ACVR1: variants seen among roughly 807,000 people sequenced by gnomAD.
ACVR1 encodes activin receptor type-1.
Under a neutral mutation model 57.1 loss-of-function variants are expected in ACVR1, and 38 were observed. The observed-to-expected ratio is 0.67, with a 90% CI of 0.51 to 0.87. The LOEUF (loss-of-function observed/expected upper bound fraction) is 0.87. ACVR1 is among the 40% of genes least tolerant of loss of function. The pLI, the probability that ACVR1 is intolerant of heterozygous loss-of-function variation, is 0.00. For synonymous variants in ACVR1, 212 were observed against 228.1 expected (o/e 0.93, Z 0.63); for missense variants, 463 against 638.2 (o/e 0.73, Z 2.96).
At position 157,760,178 on chromosome 2, in the gene ACVR1, A is replaced by G. The variant is rs557704283; in HGVS notation, c.1264+702T>C. Reference sequence around the variant, plus strand: ...AATTGTCCCTCTTTGCAGGTGACATAATCTTTTATCTAGAAAGATAAATAC... The same window carrying G: ...AATTGTCCCTCTTTGCAGGTGACATGATCTTTTATCTAGAAAGATAAATAC... On this transcript the variant is annotated intron_variant, in intron 9 of 10. Coordinates refer to ENST00000434821, the MANE Select transcript of ACVR1 (RefSeq NM_001111067.4). Among the ~76,000 whole-genome samples, 5 of 152,284 alleles carry G rather than the reference A, an allele frequency of 3.3e-5. No individual in the cohort carries two copies. The East Asian group carries it at 5.8e-4, about 18-fold the overall frequency.
intron 3 of ACVR1, among the ~76,000 whole-genome samples, chr2:157,796,205 G>C (rs1200591595): frequency 7.0e-6 from 1 of 142,678 alleles, no homozygotes; most frequent in Non-Finnish European, 1.5e-5. Flanking sequence ...CCTGGTGACA[G>C]AGTGAGACTC....
intron 8 of ACVR1, among the ~76,000 whole-genome samples, chr2:157,764,437 A>ACCTCAAGTGATCCTTCCGCCTCGG (rs1685788419): frequency 6.8e-6 from 1 of 147,652 alleles, no homozygotes; most frequent in Non-Finnish European, 1.5e-5. Flanking sequence ...TGAACTCCTG[A>ACCTCAAGTGATCCTTCCGCCTCGG]CCTCAAGTGA....
intron 1 of ACVR1, among the ~76,000 whole-genome samples, chr2:157,820,364 A>C (rs1688119007): frequency 6.6e-6 from 1 of 152,202 alleles, no homozygotes; most frequent in African/African-American, 2.4e-5. Context: ...GGCCAGGGAA[A>C]TCTGGCAGAT....
intron 1 of ACVR1, among the ~76,000 whole-genome samples, chr2:157,858,502 T>C (rs1689613002): frequency 6.6e-6 from 1 of 152,172 alleles, no homozygotes; most frequent in African/African-American, 2.4e-5. Flanking sequence ...GACACAGTCT[T>C]GCTCTGTCAC....
chr2:157,846,461 A>G (rs1689128267), intron 1 of ACVR1, among the ~76,000 whole-genome samples: 1 of 152,186 alleles, frequency 6.6e-6, no homozygotes, highest in African/African-American at 2.4e-5. Context: ...ACTCAAGCTC[A>G]TCCCATTTAA....
rs1321900776 is a variant in ACVR1, at chr2:157,760,127, C to A, written c.1264+753G>T. ...TCAAGCAAGACAAAGAAATAAAATA[C>A]ATTCAATGTGGAAAAAGGGAAGTCA... On this transcript the variant is annotated intron_variant, in intron 9 of 10. Coordinates refer to ENST00000434821, the MANE Select transcript of ACVR1 (RefSeq NM_001111067.4). Among the ~76,000 whole-genome samples, 3 of 152,158 alleles carry A rather than the reference C, an allele frequency of 2.0e-5. No homozygotes were observed. The East Asian group carries it at 5.8e-4, about 29-fold the overall frequency.
chr2:157,764,112 ACTTC>A (rs1685766542), intron 8 of ACVR1, among the ~76,000 whole-genome samples: 2 of 152,158 alleles, frequency 1.3e-5, no homozygotes, highest in African/African-American at 4.8e-5. Flanking sequence ...CATTTATAAT[ACTTC>A]TGGGCCTTAC....
intron 1 of ACVR1, among the ~76,000 whole-genome samples, chr2:157,847,320 C>A (rs1332948249): frequency 6.6e-6 from 1 of 151,758 alleles, no homozygotes; most frequent in Non-Finnish European, 1.5e-5. Context: ...CTAAAGTTCA[C>A]AAAAAAACAC....
intron 2 of ACVR1, among the ~76,000 whole-genome samples, chr2:157,810,074 T>C (rs1687699517): frequency 6.6e-6 from 1 of 152,050 alleles, no homozygotes; most frequent in Non-Finnish European, 1.5e-5. Flanking sequence ...AGACCCTATC[T>C]CTAAAAAATA....
In ACVR1 at chr2:157,766,129, A is replaced by G; in HGVS notation, c.858T>C (p.His286=). The G allele has an allele frequency of 6.2e-7, 1 of 1,614,144 alleles. No individual in the cohort carries two copies. Residue 286 remains histidine (H), a synonymous_variant, in exon 8 of 11, where the codon CAT becomes CAC. Transcript: ENST00000434821. ...STQLWLITHY[H]EMGSLYDYLQ... ...GATAGTCGTACAACGATCCCATTTC[A>G]TGATAATGTGTAATTAACCACAGCT...
chr2:157,758,979 CG>C (rs1685537935), intron 9 of ACVR1, among the ~76,000 whole-genome samples: 1 of 151,808 alleles, frequency 6.6e-6, no homozygotes, highest in African/African-American at 2.4e-5. Flanking sequence ...CAAAGTCAAT[CG>C]GATACAACAA....
intron 1 of ACVR1, among the ~76,000 whole-genome samples, chr2:157,826,008 A>T (rs927265694): frequency 2.6e-5 from 4 of 152,208 alleles, no homozygotes; most frequent in Admixed American, 2.0e-4. Context: ...TTACCATGAG[A>T]CATCCGTGTT....
chr2:157,752,608 C>T (rs1685247734), intron 9 of ACVR1, among the ~76,000 whole-genome samples: 1 of 152,092 alleles, frequency 6.6e-6, no homozygotes, highest in Non-Finnish European at 1.5e-5. Context: ...CAGCAGAGAC[C>T]CCACAAGCTA....
chr2:157,746,807 G>A (rs528585256), intron 9 of ACVR1, among the ~76,000 whole-genome samples: 2 of 152,280 alleles, frequency 1.3e-5, no homozygotes, highest in East Asian at 1.9e-4. Flanking sequence ...TAAGAAAGCC[G>A]TTTTCTTTCC....
intron 1 of ACVR1, among the ~76,000 whole-genome samples, chr2:157,829,810 C>T (rs1374327381): frequency 1.3e-5 from 2 of 152,170 alleles, no homozygotes; most frequent in Non-Finnish European, 2.9e-5. Context: ...ACTATTGTGG[C>T]CCTTAAAAGT....
chr2:157,843,874 A>G (rs1431921108), intron 1 of ACVR1, among the ~76,000 whole-genome samples: 1 of 152,222 alleles, frequency 6.6e-6, no homozygotes, highest in African/African-American at 2.4e-5. Context: ...AATGCTTAAT[A>G]CAAAAAACAT....
At chr2:157,861,378 T>C (rs1189798626) in intron 1 of ACVR1, among the ~76,000 whole-genome samples, 1 of 152,166 alleles carries the variant, frequency 6.6e-6, no homozygotes, top group African/African-American at 2.4e-5. Context: ...ATAAGGCTGT[T>C]ATGCAACATC....
At chr2:157,855,176 G>A (rs1689466615) in intron 1 of ACVR1, among the ~76,000 whole-genome samples, 1 of 151,308 alleles carries the variant, frequency 6.6e-6, no homozygotes, top group Admixed American at 6.6e-5. Context: ...AGCTCTTTGG[G>A]AGGCCAAGGA....
intron 1 of ACVR1, among the ~76,000 whole-genome samples, chr2:157,850,000 A>G (rs1442398836): frequency 6.6e-6 from 1 of 152,386 alleles, no homozygotes; most frequent in East Asian, 1.9e-4. Flanking sequence ...AAAAGAGAAG[A>G]AAAGCAACCT....
Sources: allele counts gnomAD v4.1 joint callset (sites outside exome capture counted in the v4.1 genomes callset), GRCh38; gene constraint gnomAD v4.1.1; transcripts MANE v1.5; gene names NCBI Gene and HGNC (gene_info 2026-07-23, HGNC 2026-07-21).